The following KIAA1549L variants were observed in gnomAD, a reference collection of about 807,000 sequenced individuals.
The protein encoded by KIAA1549L is KIAA1549 like.
A neutral mutation model predicts 160.7 loss-of-function variants in KIAA1549L; 88 were observed. The observed-to-expected ratio is 0.55, with a 90% CI of 0.46 to 0.65. The LOEUF (loss-of-function observed/expected upper bound fraction) is 0.65, where lower values mean the gene tolerates loss of function less well. KIAA1549L is among the 30% of genes least tolerant of loss of function. KIAA1549L has a pLI of 0.00. For synonymous variants in KIAA1549L, 950 were observed against 976.7 expected (o/e 0.97, Z 0.51); for missense variants, 2,258 against 2,437.5 (o/e 0.93, Z 1.55).
intron 17 of KIAA1549L, among the ~76,000 whole-genome samples, chr11:33,650,639 A>G (rs1046199693): frequency 2.0e-5 from 3 of 151,874 alleles, no homozygotes; most frequent in East Asian, 3.9e-4. Flanking sequence ...TCTCCTACTC[A>G]ACACGCCGTC....
chr11:33,564,513 C>A (rs530013609), intron 8 of KIAA1549L, among the ~76,000 whole-genome samples: 1 of 152,352 alleles, frequency 6.6e-6, no homozygotes, highest in African/African-American at 2.4e-5. Context: ...AGTCTCTTTA[C>A]AGAGAACCTA....
At chr11:33,622,611 G>A (rs1220682037) in intron 16 of KIAA1549L, among the ~76,000 whole-genome samples, 3 of 152,162 alleles carry the variant, frequency 2.0e-5, no homozygotes, top group Non-Finnish European at 4.4e-5. Flanking sequence ...TGACAGGACC[G>A]AAGTCTCATC....
In KIAA1549L at chr11:33,658,837, G is replaced by A. The variant is rs567553595; in HGVS notation, c.5946G>A (p.Thr1982=). The A allele has an allele frequency of 3.8e-5, 59 of 1,563,958 alleles. No individual in the cohort carries two copies. The Admixed American group carries it at 4.9e-4, about 13-fold the overall frequency. ...PAQLHDSASF[T]QMSRGPVSVT... Reference sequence around the variant, plus strand: ...AGCTGCACGACAGCGCCTCCTTCACGCAGATGTCCAGAGGCCCTGTGTCCG... The same window carrying A: ...AGCTGCACGACAGCGCCTCCTTCACACAGATGTCCAGAGGCCCTGTGTCCG... The change falls in exon 19 of 21, where the codon ACG becomes ACA. Residue 1982 remains threonine (T), a synonymous_variant. Coordinates refer to ENST00000658780, the MANE Select transcript of KIAA1549L (RefSeq NM_012194.3).
chr11:33,604,597 C>T (rs780067939), intron 13 of KIAA1549L, among the ~76,000 whole-genome samples: 6 of 152,204 alleles, frequency 3.9e-5, no homozygotes, highest in Admixed American at 6.5e-5. Flanking sequence ...AGTATATATA[C>T]ACCATGGAAT....
intron 1 of KIAA1549L, among the ~76,000 whole-genome samples, chr11:33,452,609 A>G (rs11827936): frequency 2.0e-5 from 3 of 148,850 alleles, no homozygotes; most frequent in African/African-American, 7.9e-5. Flanking sequence ...CTCCATCTCA[A>G]ATAAATATGT....
chr11:33,516,067 G>A (rs1853337796), intron 1 of KIAA1549L, among the ~76,000 whole-genome samples: 1 of 151,606 alleles, frequency 6.6e-6, no homozygotes, highest in Non-Finnish European at 1.5e-5. Flanking sequence ...ACCCTTCCCT[G>A]CCAATCCAGG....
At chr11:33,444,328 A>G (rs958189781) in intron 1 of KIAA1549L, among the ~76,000 whole-genome samples, 1 of 152,258 alleles carries the variant, frequency 6.6e-6, no homozygotes, top group African/African-American at 2.4e-5. Flanking sequence ...CTATGCAGCT[A>G]TATTAAAAAG....
intron 1 of KIAA1549L, among the ~76,000 whole-genome samples, chr11:33,484,351 C>G (rs1049631937): frequency 1.3e-4 from 20 of 152,144 alleles, no homozygotes; most frequent in African/African-American, 4.8e-4. Flanking sequence ...TCCTCTTCCC[C>G]CTGATTCCCC....
intron 14 of KIAA1549L, among the ~76,000 whole-genome samples, chr11:33,608,936 T>C (rs1004724128): frequency 1.3e-5 from 2 of 152,258 alleles, no homozygotes; most frequent in East Asian, 3.8e-4. Context: ...GTTTTTCTTT[T>C]GTAAATTACA....
intron 1 of KIAA1549L, among the ~76,000 whole-genome samples, chr11:33,435,756 T>TC (rs1851338979): frequency 2.2e-5 from 1 of 45,248 alleles, no homozygotes; most frequent in Admixed American, 3.4e-4. Context: ...ACAGAACCAA[T>TC]AAGATATATA....
chr11:33,638,148 T>C (rs1851486113), intron 16 of KIAA1549L, among the ~76,000 whole-genome samples: 1 of 152,218 alleles, frequency 6.6e-6, no homozygotes, highest in Non-Finnish European at 1.5e-5. Flanking sequence ...AGGTTGTTAG[T>C]ACACAATGTG....
chr11:33,654,451 C>T (rs1241748964), intron 17 of KIAA1549L, among the ~76,000 whole-genome samples: 1 of 152,160 alleles, frequency 6.6e-6, no homozygotes, highest in Non-Finnish European at 1.5e-5. Context: ...TCATCTTAAT[C>T]GGTGCTAATC....
chr11:33,479,882 C>T (rs1852372890), intron 1 of KIAA1549L, among the ~76,000 whole-genome samples: 1 of 152,140 alleles, frequency 6.6e-6, no homozygotes, highest in Non-Finnish European at 1.5e-5. Flanking sequence ...CAGAGCTTTC[C>T]TTAGGGTCTC....
intron 1 of KIAA1549L, among the ~76,000 whole-genome samples, chr11:33,407,004 C>T (rs1471765415): frequency 6.6e-6 from 1 of 151,622 alleles, no homozygotes; most frequent in Admixed American, 6.6e-5. Context: ...TGAACTAGCT[C>T]AAGGTAGGGA....
intron 1 of KIAA1549L, among the ~76,000 whole-genome samples, chr11:33,457,002 G>A (rs1489260451): frequency 6.6e-6 from 1 of 152,178 alleles, no homozygotes; most frequent in African/African-American, 2.4e-5. Context: ...ATCAGGGAGA[G>A]AAGGTCAAGG....
chr11:33,518,138 C>CAAAAAAAAAAAAAAAAAAAAAAA (rs560876643), intron 1 of KIAA1549L, among the ~76,000 whole-genome samples: 5 of 59,412 alleles, frequency 8.4e-5, no homozygotes, highest in African/African-American at 2.6e-4. Context: ...GACTCTGTCT[C>CAAAAAAAAAAAAAAAAAAAAAAA]AAAAAAAAAA....
chr11:33,574,757 A>G lies in KIAA1549L; in HGVS notation c.4286A>G (p.Tyr1429Cys). The G allele has an allele frequency of 6.2e-7, 1 of 1,613,992 alleles. No homozygotes were observed. The highest frequency in any genetic ancestry group is 8.5e-7 in the Non-Finnish European group (1 of 1,179,862). ...GPKDPAELTYYTLYNGKPLLG... is the reference protein window; with the variant it reads ...GPKDPAELTYCTLYNGKPLLG... ...AAGGACCCAGCGGAGCTGACTTACT[A>G]TACCCTGTACAACGGGAAGCCTTTG... Residue 1429 changes from tyrosine (Y) to cysteine (C), a missense_variant, in exon 10 of 21, where the codon TAT becomes TGT. By Grantham distance (194) the Tyr-to-Cys change is radical. Around this residue, in one of 6 missense-constraint regions of KIAA1549L, gnomAD observed 1,359 missense variants for 1,546.6 expected, o/e 0.88. Coordinates refer to ENST00000658780, the MANE Select transcript of KIAA1549L (RefSeq NM_012194.3).
chr11:33,645,881 C>T lies in KIAA1549L; in HGVS notation c.5605C>T (p.Gln1869Ter). ...CCTGGCATCCGCGGGCCACGCAGGC[C>T]AGAGCCGGCACCAAGAGGCCTACGG... is the stretch of plus-strand genomic sequence containing the variant. ...FSLASAGHAG[Q>*]SRHQEAYGSA... Residue 1869 changes from glutamine to a stop codon, truncating the protein, a stop_gained, in exon 17 of 21, where the codon CAG becomes TAG. Transcript: ENST00000658780. LOFTEE classifies it high-confidence loss of function. 6.2e-7 allele frequency: 1 copy of T among 1,613,762 alleles called. No homozygotes were observed. The highest frequency in any genetic ancestry group is 8.5e-7 in the Non-Finnish European group (1 of 1,179,836).
At chr11:33,578,609 C>T (rs932059919) in intron 10 of KIAA1549L, among the ~76,000 whole-genome samples, 1 of 152,230 alleles carries the variant, frequency 6.6e-6, no homozygotes, top group Non-Finnish European at 1.5e-5. Context: ...CCATCATTCA[C>T]AGAATAAAAT....
Sources: allele counts gnomAD v4.1 joint callset (sites outside exome capture counted in the v4.1 genomes callset), GRCh38; gene constraint gnomAD v4.1.1; regional missense constraint gnomAD v4.1.1; transcripts MANE v1.5; gene names NCBI Gene and HGNC (gene_info 2026-07-23, HGNC 2026-07-21).